Variants in PXDN observed in about 807,000 individuals in gnomAD.
PXDN encodes the protein peroxidasin, also known as peroxidasin homolog.
A neutral mutation model predicts 140.3 loss-of-function variants in PXDN; 77 were observed. That is an observed-to-expected ratio of 0.55 (90% CI 0.46 to 0.66). The LOEUF (loss-of-function observed/expected upper bound fraction) is 0.66. Ranked by LOEUF, PXDN falls within the 30% of genes least tolerant of loss-of-function variation. PXDN has a pLI of 0.00. For missense variants in PXDN, 1,838 were observed against 2,039.5 expected, an observed-to-expected ratio of 0.90 and a Z score of 1.90; for synonymous variants, 911 against 857.4, an observed-to-expected ratio of 1.06 and a Z score of -1.09.
chr2:1,698,629 C>T (rs759065741), intron 1 of PXDN, among the ~76,000 whole-genome samples: 8 of 152,010 alleles, frequency 5.3e-5, no homozygotes, highest in Non-Finnish European at 8.8e-5. Flanking sequence ...CAATTAGAGT[C>T]GGCCCAGGGC....
At chr2:1,657,310 C>A (rs1683167519) in intron 14 of PXDN, among the ~76,000 whole-genome samples, 3 of 151,628 alleles carry the variant, frequency 2.0e-5, no homozygotes, top group African/African-American at 7.3e-5. Context: ...AGGGACCTGC[C>A]CCTCCTGACA....
rs1440245198 is a variant in PXDN at position 1,639,435 on chromosome 2, C to T, written c.3953-13G>A. 3 of 1,613,816 alleles carry T rather than the reference C, an allele frequency of 1.9e-6. No individual in the cohort carries two copies. Among genetic ancestry groups the T allele is most frequent in the African/African-American group, 2.7e-5 (2 of 74,942 alleles). On this transcript the variant is annotated splice_polypyrimidine_tract_variant and intron_variant, in intron 19 of 22. Coordinates refer to ENST00000252804, the MANE Select transcript of PXDN (RefSeq NM_012293.3). The surrounding 1 kb of genome is among the most constrained non-coding windows in gnomAD (Gnocchi z 5.0). ...CTGGTCCTACAGTCTAAAATGGAAG[C>T]ACAAAGCAGAATGTCAGCTCTGAAG...
rs1682447855 is a variant in PXDN at position 1,632,901 on chromosome 2, G to C, written c.*1303C>G. ...TGCCCAGCACTGTGCCTGGCACATG[G>C]TGGATACTCAGGTCAGCGTGCTGCA... On this transcript the variant is annotated 3_prime_UTR_variant, in exon 23 of 23. Coordinates refer to ENST00000252804, the MANE Select transcript of PXDN (RefSeq NM_012293.3). This position sits in a 1 kb window ranked among gnomAD's most constrained non-coding sequence, Gnocchi z 4.3. 1 of 152,618 alleles carries C rather than the reference G, an allele frequency of 6.6e-6. No individual in the cohort carries two copies. Among genetic ancestry groups the C allele is most frequent in the South Asian group, 2.1e-4 (1 of 4,832 alleles). 9.5% of individuals were successfully genotyped at this position (152,618 alleles called of 1,614,324 possible). A position where few individuals can be genotyped will look rare whatever the true frequency, so the allele number is the denominator to read the frequency against.
At chr2:1,635,663 G>T in intron 21 of PXDN, 142 bp from the exon 22 acceptor site, 1 of 731,730 alleles carries the variant, frequency 1.4e-6, no homozygotes, top group Non-Finnish European at 2.4e-6. Context: ...AACTTTTACA[G>T]AATCTCCAAT....
At position 1,648,515 on chromosome 2, in the gene PXDN, G is replaced by A; in HGVS notation, c.3265C>T (p.Gln1089Ter). 1 of 1,613,062 alleles carries A rather than the reference G, an allele frequency of 6.2e-7. No homozygotes were observed. The highest frequency in any genetic ancestry group is 1.1e-5 in the South Asian group (1 of 91,056). Reference protein sequence around the residue: ...PLLYRLDENFQPIAQDHLPLH... With the variant: ...PLLYRLDENF Reference sequence around the variant, plus strand: ...GGGAGGTGATCTTGTGCAATGGGCTGGAAGTTCTCGTCCAGCCGGTAAAGC... The same window carrying A: ...GGGAGGTGATCTTGTGCAATGGGCTAGAAGTTCTCGTCCAGCCGGTAAAGC... The change falls in exon 17 of 23, where the codon CAG becomes TAG. Residue 1089 changes from glutamine to a stop codon, truncating the protein, a stop_gained. Transcript: ENST00000252804. LOFTEE classifies it high-confidence loss of function. The surrounding 1 kb of genome is among the most constrained non-coding windows in gnomAD (Gnocchi z 8.9).
chr2:1,649,654 AC>A lies in PXDN; in HGVS notation c.2125del (p.Val709CysfsTer6). On this transcript the variant is annotated frameshift_variant, in exon 17 of 23. Coordinates refer to ENST00000252804, the MANE Select transcript of PXDN (RefSeq NM_012293.3). LOFTEE classifies it high-confidence loss of function. The surrounding 1 kb of genome is among the most constrained non-coding windows in gnomAD (Gnocchi z 7.1). The stretch of plus-strand genomic sequence containing the variant: ...GATGAGGTTCAGGTACTGTGGAGAC[AC>A]CAGGTCGTTGTAGTGGTAACCTGGG... ...NGTSYHYNDL[V>X]SPQYLNLIAN... is the part of the protein sequence containing the mutation. The A allele has an allele frequency of 1.2e-6, 2 of 1,613,948 alleles. No individual in the cohort carries two copies. Among genetic ancestry groups the A allele is most frequent in the Non-Finnish European group, 1.7e-6 (2 of 1,179,884 alleles).
chr2:1,661,131 G>C, intron 13 of PXDN, 94 bp from the exon 14 acceptor site: 1 of 1,459,942 alleles, frequency 6.8e-7, no homozygotes, highest in African/African-American at 1.4e-5. Context: ...CATTTGTTAG[G>C]ATTTGCAAAT....
rs2125500897 is a variant in PXDN, at chr2:1,744,354, T to C, written c.102A>G (p.Ala34=). The C allele has an allele frequency of 6.5e-7, 1 of 1,527,138 alleles. No homozygotes were observed. The highest frequency in any genetic ancestry group is 1.2e-5 in the South Asian group (1 of 83,180). The allele number at this position is 1,527,138 out of a possible 1,614,324, so 94.6% of individuals were successfully genotyped here. A position where few individuals can be genotyped will look rare whatever the true frequency, so the allele number is the denominator to read the frequency against. Residue 34 remains alanine, a synonymous_variant, in exon 1 of 23, where the codon GCA becomes GCG. Coordinates refer to ENST00000252804, the MANE Select transcript of PXDN (RefSeq NM_012293.3). ...AGCACAGGCAGCGGCTCGGACACCCTGCGCCCGGCTTCTGGGCCACCACGG... is the reference window on the plus strand; with the variant it reads ...AGCACAGGCAGCGGCTCGGACACCCCGCGCCCGGCTTCTGGGCCACCACGG... ...TLAVVAQKPG[A]GCPSRCLCFR... is the part of the protein sequence containing the mutation.
chr2:1,707,554 C>A (rs1405706497), intron 1 of PXDN, among the ~76,000 whole-genome samples: 1 of 152,202 alleles, frequency 6.6e-6, no homozygotes, highest in Non-Finnish European at 1.5e-5. Context: ...AAATAATCAA[C>A]CCACACTTTT....
At chr2:1,706,592 T>C (rs1572177962) in intron 1 of PXDN, among the ~76,000 whole-genome samples, 1 of 96,938 alleles carries the variant, frequency 1.0e-5, no homozygotes, top group Non-Finnish European at 2.0e-5. Flanking sequence ...CGCTTCAGTG[T>C]TCACCAATCA....
intron 2 of PXDN, among the ~76,000 whole-genome samples, chr2:1,692,793 C>T (rs1684213941): frequency 6.6e-6 from 1 of 152,176 alleles, no homozygotes; most frequent in Non-Finnish European, 1.5e-5. Context: ...GAGCAAGTGA[C>T]CCACATGAAG....
intron 9 of PXDN, among the ~76,000 whole-genome samples, chr2:1,672,754 A>G (rs1683604561): frequency 6.6e-6 from 1 of 152,206 alleles, no homozygotes; most frequent in South Asian, 2.1e-4. Context: ...AACAAGAAAC[A>G]CCAAAACCAC....
intron 1 of PXDN, among the ~76,000 whole-genome samples, chr2:1,702,072 C>G (rs1218561371): frequency 6.6e-6 from 1 of 152,176 alleles, no homozygotes. Context: ...CCCACTAATA[C>G]CATTAATGAG....
chr2:1,711,486 C>T (rs1572183429), intron 1 of PXDN, among the ~76,000 whole-genome samples: 2 of 121,048 alleles, frequency 1.7e-5, no homozygotes, highest in Admixed American at 8.0e-5. Flanking sequence ...CACCAGCACC[C>T]GCTCCACCAG....
intron 21 of PXDN, among the ~76,000 whole-genome samples, chr2:1,637,974 C>A (rs540074541): frequency 6.6e-6 from 1 of 151,716 alleles, no homozygotes; most frequent in Non-Finnish European, 1.5e-5. Context: ...GCTGCAGAGG[C>A]AGGAGGACCT....
At chr2:1,661,554 G>A (rs896772246) in intron 13 of PXDN, among the ~76,000 whole-genome samples, 2 of 149,566 alleles carry the variant, frequency 1.3e-5, no homozygotes, top group South Asian at 2.2e-4. Flanking sequence ...GGTGGAGGAT[G>A]GGACCATCTC....
chr2:1,683,834 T>C, intron 5 of PXDN, 107 bp from the exon 6 acceptor site: 1 of 956,962 alleles, frequency 1.0e-6, no homozygotes, highest in Non-Finnish European at 1.6e-6. Context: ...AAAATCTCAG[T>C]GATTACATTT....
chr2:1,720,392 G>C (rs910284854), intron 1 of PXDN, among the ~76,000 whole-genome samples: 1 of 150,478 alleles, frequency 6.6e-6, no homozygotes, highest in African/African-American at 2.4e-5. Flanking sequence ...GGGATGCAGA[G>C]AGAGAGATGC....
At chr2:1,735,152 T>C (rs947332646) in intron 1 of PXDN, among the ~76,000 whole-genome samples, 7 of 152,232 alleles carry the variant, frequency 4.6e-5, no homozygotes, top group African/African-American at 1.7e-4. Context: ...TCTCTTGCTA[T>C]TTCCACCACA....
Sources: gnomAD v4.1 joint callset for allele counts (sites outside exome capture counted in the v4.1 genomes callset) on GRCh38, gnomAD v4.1.1 for gene constraint, Gnocchi (gnomAD v3.1) non-coding constraint, MANE v1.5 for transcripts, NCBI Gene and HGNC (gene_info 2026-07-23, HGNC 2026-07-21) for gene names.